DCLK1: variants seen among roughly 807,000 people sequenced by gnomAD.
The protein encoded by DCLK1 is serine/threonine-protein kinase DCLK1.
DCLK1 carries 16 observed loss-of-function variants against 86.2 expected under a neutral mutation model. The ratio of observed to expected loss-of-function variants is 0.19; its 90% CI spans 0.13 to 0.28. The LOEUF is 0.28. Ranked by LOEUF, DCLK1 falls within the 10% of genes least tolerant of loss-of-function variation. DCLK1 has a pLI of 1.00. For missense variants in DCLK1, 590 were observed against 940.2 expected (o/e 0.63, Z 4.87); for synonymous variants, 369 against 370.5 (o/e 1.00, Z 0.05).
intron 3 of DCLK1, among the ~76,000 whole-genome samples, chr13:36,100,533 G>C (rs1006626294): frequency 6.6e-6 from 1 of 152,084 alleles, no homozygotes; most frequent in South Asian, 2.1e-4. Flanking sequence ...CGACAGAAAC[G>C]AACCTTTTAC....
intron 6 of DCLK1, among the ~76,000 whole-genome samples, chr13:35,851,610 CA>C (rs1870645477): frequency 6.6e-6 from 1 of 151,984 alleles, no homozygotes; most frequent in South Asian, 2.1e-4. Flanking sequence ...GAAATGGGAC[CA>C]AAAAAAGTTC....
At chr13:35,810,990 C>T in intron 11 of DCLK1, 22 bp from the exon 12 acceptor site, 1 of 1,612,524 alleles carries the variant, frequency 6.2e-7, no homozygotes. Flanking sequence ...GTAAAAATCA[C>T]AATTGTCTGA....
intron 4 of DCLK1, among the ~76,000 whole-genome samples, chr13:35,880,945 A>G (rs1198139460): frequency 6.6e-6 from 1 of 152,194 alleles, no homozygotes; most frequent in Non-Finnish European, 1.5e-5. Flanking sequence ...CTGTTCTCCC[A>G]CATGTCATAT....
At chr13:36,019,359 C>A (rs1881672573) in intron 3 of DCLK1, among the ~76,000 whole-genome samples, 1 of 152,184 alleles carries the variant, frequency 6.6e-6, no homozygotes, top group Non-Finnish European at 1.5e-5. Flanking sequence ...TCTACTGAAC[C>A]TTTCTCCTTC....
rs977390687 is a variant in DCLK1, at chr13:35,835,048, C to A, written c.1229+985G>T. 1.2e-3 allele frequency among the ~76,000 whole-genome samples: 185 copies of A among 152,228 alleles called. 1 individual carries two copies. Among genetic ancestry groups the A allele is most frequent in the Admixed American group, 3.5e-3 (53 of 15,292 alleles). Reference sequence around the variant, plus strand: ...ACTACCAGCTCTGATATGGCAGGAACCTGTGCTTCTAAATCAAAGCCTGTA... The same window carrying A: ...ACTACCAGCTCTGATATGGCAGGAAACTGTGCTTCTAAATCAAAGCCTGTA... On this transcript the variant is annotated intron_variant, in intron 8 of 16. Coordinates refer to ENST00000360631, the MANE Select transcript of DCLK1 (RefSeq NM_001330071.2).
At chr13:35,840,004 C>T (rs1044404644) in intron 6 of DCLK1, among the ~76,000 whole-genome samples, 1 of 152,190 alleles carries the variant, frequency 6.6e-6, no homozygotes, top group Non-Finnish European at 1.5e-5. Context: ...ACAGCTTGTC[C>T]TAAAAGATCT....
chr13:36,097,367 C>A (rs1000283806), intron 3 of DCLK1, among the ~76,000 whole-genome samples: 2 of 151,972 alleles, frequency 1.3e-5, no homozygotes, highest in African/African-American at 4.8e-5. Flanking sequence ...TTTTGTAGTA[C>A]GAAAATTATA....
At chr13:35,898,761 A>G (rs1277537988) in intron 4 of DCLK1, among the ~76,000 whole-genome samples, 1 of 151,370 alleles carries the variant, frequency 6.6e-6, no homozygotes, top group Non-Finnish European at 1.5e-5. Context: ...TTTCTTTTTG[A>G]GACAGGGTCC....
intron 4 of DCLK1, among the ~76,000 whole-genome samples, chr13:35,880,498 G>A (rs1017272316): frequency 6.6e-6 from 1 of 152,152 alleles, no homozygotes; most frequent in African/African-American, 2.4e-5. Flanking sequence ...ATGCAAGTAC[G>A]ATGCAAGAGA....
At chr13:36,079,043 A>G (rs1884321940) in intron 3 of DCLK1, among the ~76,000 whole-genome samples, 1 of 152,172 alleles carries the variant, frequency 6.6e-6, no homozygotes, top group Non-Finnish European at 1.5e-5. Flanking sequence ...AACACTTTAC[A>G]TTAAAGAAGC....
chr13:35,924,604 C>T (rs1038089785), intron 4 of DCLK1, among the ~76,000 whole-genome samples: 3 of 152,082 alleles, frequency 2.0e-5, no homozygotes, highest in African/African-American at 7.2e-5. Context: ...GAGCCGAGAT[C>T]GTGCCACTGC....
intron 11 of DCLK1, among the ~76,000 whole-genome samples, chr13:35,818,843 A>G (rs533050347): frequency 6.6e-6 from 1 of 151,972 alleles, no homozygotes; most frequent in South Asian, 2.1e-4. Flanking sequence ...CCATCATGGC[A>G]TGCATACACA....
At chr13:36,033,661 C>T (rs1345727706) in intron 3 of DCLK1, among the ~76,000 whole-genome samples, 2 of 152,202 alleles carry the variant, frequency 1.3e-5, no homozygotes, top group African/African-American at 4.8e-5. Context: ...TGCGGTAGCT[C>T]ACGCCTGTAA....
At chr13:35,898,592 A>C (rs1374214555) in intron 4 of DCLK1, among the ~76,000 whole-genome samples, 2 of 152,250 alleles carry the variant, frequency 1.3e-5, no homozygotes. Flanking sequence ...TTTAAAGGAA[A>C]TTGTGAATTA....
chr13:35,980,868 G>A (rs1879603429), intron 3 of DCLK1, among the ~76,000 whole-genome samples: 2 of 151,924 alleles, frequency 1.3e-5, no homozygotes, highest in Non-Finnish European at 2.9e-5. Context: ...ATGTTACCCA[G>A]ACTGGTCTTA....
chr13:36,074,468 C>CAAAAA (rs768865436), intron 3 of DCLK1, among the ~76,000 whole-genome samples: 1 of 79,350 alleles, frequency 1.3e-5, no homozygotes, highest in African/African-American at 4.6e-5. Context: ...GACTCCGTCT[C>CAAAAA]AAAAAAAAAA....
intron 16 of DCLK1, 42 bp from the exon 17 acceptor site, chr13:35,774,741 G>C (rs755368680): frequency 6.3e-7 from 1 of 1,581,718 alleles, no homozygotes; most frequent in African/African-American, 1.4e-5. Flanking sequence ...ATTAGGGCGA[G>C]GGAAATGGCA....
intron 2 of DCLK1, among the ~76,000 whole-genome samples, chr13:36,115,266 C>A (rs117785310): frequency 0.016 from 2,494 of 152,234 alleles, 37 homozygotes; most frequent in Middle Eastern, 0.044. Context: ...TAAGCCACCC[C>A]ACACCCCGAA....
At chr13:35,800,293 T>C (rs1248806668) in intron 15 of DCLK1, among the ~76,000 whole-genome samples, 1 of 152,236 alleles carries the variant, frequency 6.6e-6, no homozygotes, top group Admixed American at 6.5e-5. Flanking sequence ...CCTTTTCCCA[T>C]CCTTATAGCA....
Sources: allele counts gnomAD v4.1 joint callset (sites outside exome capture counted in the v4.1 genomes callset), GRCh38; gene constraint gnomAD v4.1.1; transcripts MANE v1.5; gene names NCBI Gene and HGNC (gene_info 2026-07-23, HGNC 2026-07-21).